Variants in CDH22 observed in about 807,000 individuals in gnomAD.
The protein encoded by CDH22 is cadherin 22.
In CDH22, 30 loss-of-function variants were observed where a neutral mutation model predicts 58.4. The observed-to-expected ratio is 0.51, with a 90% confidence interval of 0.38 to 0.70. The LOEUF (loss-of-function observed/expected upper bound fraction) is 0.70. Ranked by LOEUF, CDH22 falls within the 30% of genes least tolerant of loss-of-function variation. The pLI, the probability that CDH22 is intolerant of heterozygous loss-of-function variation, is 0.00. For missense variants in CDH22, 1,014 were observed against 1,233.9 expected (o/e 0.82, Z 2.67); for synonymous variants, 513 against 558.2 (o/e 0.92, Z 1.14).
At chr20:46,269,960 G>A (rs1330908097) in intron 1 of CDH22, among the ~76,000 whole-genome samples, 1 of 152,160 alleles carries the variant, frequency 6.6e-6, no homozygotes, top group African/African-American at 2.4e-5. Context: ...GTATGTAGTA[G>A]GTGCTCAAAA....
At chr20:46,198,287 GAC>G (rs368091518) in intron 8 of CDH22, among the ~76,000 whole-genome samples, 15,626 of 128,452 alleles carry the variant, frequency 0.12, 906 homozygotes, top group African/African-American at 0.19. Flanking sequence ...GCACCAAAAA[GAC>G]ACACACACAC....
At chr20:46,297,211 G>A (rs1013981221) in intron 1 of CDH22, among the ~76,000 whole-genome samples, 5 of 152,098 alleles carry the variant, frequency 3.3e-5, no homozygotes, top group African/African-American at 1.2e-4. Context: ...GGCAGGGGCT[G>A]AGTGAGGAGG....
Position 46,198,415 on chromosome 20 carries a change from C to G in CDH22, c.1423+1008G>C, listed in dbSNP as rs143332072. Among the ~76,000 whole-genome samples, 590 of 152,166 alleles carry G rather than the reference C, an allele frequency of 3.9e-3. 7 individuals carry two copies. Among genetic ancestry groups the G allele is most frequent in the African/African-American group, 0.014 (572 of 41,508 alleles). ...TCTCCCCGGGACATCAGCCCATGAG[C>G]AGATTCCACTGGCTCTATCTTCAGC... On this transcript the variant is annotated intron_variant, in intron 8 of 11. Transcript: ENST00000537909.
Position 46,292,266 on chromosome 20 carries a change from C to T in CDH22, c.-400+15989G>A, listed in dbSNP as rs118036170. ...TATGGCAGGAGCTGGCTGCCTGTCC[C>T]AATAAATGCAAAGGTCCCATGAGCA... On this transcript the variant is annotated intron_variant, in intron 1 of 11. Coordinates refer to ENST00000537909, the MANE Select transcript of CDH22 (RefSeq NM_021248.3). Among the ~76,000 whole-genome samples, 36 of 152,296 alleles carry T rather than the reference C, an allele frequency of 2.4e-4. No homozygotes were observed. The East Asian group carries it at 5.6e-3, about 24-fold the overall frequency.
At chr20:46,194,058 G>T (rs931187032) in intron 8 of CDH22, among the ~76,000 whole-genome samples, 1 of 152,194 alleles carries the variant, frequency 6.6e-6, no homozygotes, top group Non-Finnish European at 1.5e-5. Flanking sequence ...CCTCCTCTGG[G>T]AAGGGTTTTC....
chr20:46,198,397 G>A (rs112541338), intron 8 of CDH22, among the ~76,000 whole-genome samples: 145 of 150,592 alleles, frequency 9.6e-4, no homozygotes, highest in African/African-American at 3.2e-3. Flanking sequence ...ATCTCTCCCC[G>A]GGACATCAGC....
chr20:46,268,520 C>A lies in CDH22; in HGVS notation c.-399-16827G>T, dbSNP rs117791941. On this transcript the variant is annotated intron_variant, in intron 1 of 11. Coordinates refer to ENST00000537909, the MANE Select transcript of CDH22 (RefSeq NM_021248.3). The stretch of plus-strand genomic sequence containing the variant: ...TCCACTTAGCTGCCCCCATTCCCAC[C>A]CCACACACGGGTTCCCTCCCTCCCA... Among the ~76,000 whole-genome samples, 1,111 of 152,358 alleles carry A rather than the reference C, an allele frequency of 7.3e-3. 18 individuals are homozygous for A. Among genetic ancestry groups the A allele is most frequent in the Admixed American group, 0.024 (370 of 15,304 alleles).
At chr20:46,262,174 A>G (rs948747662) in intron 1 of CDH22, among the ~76,000 whole-genome samples, 1 of 149,574 alleles carries the variant, frequency 6.7e-6, no homozygotes, top group African/African-American at 2.5e-5. Context: ...TAGTGTTGGG[A>G]CAGAGGGTGT....
chr20:46,215,008 C>A (rs1419892556), intron 5 of CDH22, among the ~76,000 whole-genome samples: 1 of 152,170 alleles, frequency 6.6e-6, no homozygotes, highest in Non-Finnish European at 1.5e-5. Flanking sequence ...TAGACACTCA[C>A]CAGATTAACA....
intron 3 of CDH22, among the ~76,000 whole-genome samples, chr20:46,237,752 C>T (rs73117024): frequency 2.4e-3 from 362 of 152,238 alleles, no homozygotes; most frequent in Admixed American, 6.0e-3. Flanking sequence ...TGGGGGCTGC[C>T]TCTGCCTCCT....
At chr20:46,261,023 G>T (rs1430527241) in intron 1 of CDH22, among the ~76,000 whole-genome samples, 1 of 152,120 alleles carries the variant, frequency 6.6e-6, no homozygotes, top group Non-Finnish European at 1.5e-5. Flanking sequence ...ACATTCAGGG[G>T]ACCTAAGACC....
intron 7 of CDH22, among the ~76,000 whole-genome samples, chr20:46,204,165 C>T (rs566418550): frequency 2.0e-5 from 3 of 151,962 alleles, no homozygotes; most frequent in Non-Finnish European, 1.5e-5. Context: ...GAGGCTGAGG[C>T]GGGAGGATCA....
chr20:46,291,233 C>T (rs531722948), intron 1 of CDH22, among the ~76,000 whole-genome samples: 3 of 152,186 alleles, frequency 2.0e-5, no homozygotes, highest in Non-Finnish European at 4.4e-5. Context: ...GCAGAGATCG[C>T]GCCACTGCAC....
chr20:46,227,427 A>G, intron 4 of CDH22, 81 bp downstream of exon 4: 2 of 1,314,750 alleles, frequency 1.5e-6, no homozygotes, highest in South Asian at 2.6e-5. Context: ...GGCTCAGAGC[A>G]GACGTCTGGG....
chr20:46,272,883 T>G (rs978198351), intron 1 of CDH22, among the ~76,000 whole-genome samples: 7 of 152,266 alleles, frequency 4.6e-5, no homozygotes, highest in African/African-American at 1.7e-4. Context: ...TACTTGAATT[T>G]TATTTTAAGG....
intron 1 of CDH22, among the ~76,000 whole-genome samples, chr20:46,299,863 C>T (rs940083203): frequency 6.6e-6 from 1 of 152,194 alleles, no homozygotes; most frequent in Non-Finnish European, 1.5e-5. Context: ...GTTCTCTCAA[C>T]AGCACACAGT....
chr20:46,248,673 A>G (rs2086348828), intron 2 of CDH22, among the ~76,000 whole-genome samples: 7 of 152,100 alleles, frequency 4.6e-5, no homozygotes, highest in Admixed American at 4.6e-4. Flanking sequence ...AAATACAAAA[A>G]TTAGCTGGGC....
chr20:46,237,834 C>T (rs1260801334), intron 3 of CDH22, among the ~76,000 whole-genome samples: 1 of 152,186 alleles, frequency 6.6e-6, no homozygotes, highest in African/African-American at 2.4e-5. Context: ...GAAACAAGGA[C>T]CCTTGCCATT....
chr20:46,210,075 G>C lies in CDH22; in HGVS notation c.1286+232C>G, dbSNP rs1600698015. On this transcript the variant is annotated intron_variant, in intron 7 of 11. Transcript: ENST00000537909. This position sits in a 1 kb window ranked among gnomAD's most constrained non-coding sequence, Gnocchi z 4.5. ...TCCCTCCTGGTTCTCTCCCTTATTG[G>C]CCTGGCTCGCCTGCCTGTCTCATTG... The C allele has an allele frequency of 4.6e-6, 2 of 433,378 alleles. No individual in the cohort carries two copies. Among genetic ancestry groups the C allele is most frequent in the East Asian group, 7.4e-5 (2 of 26,862 alleles). 26.8% of individuals were successfully genotyped at this position (433,378 alleles called of 1,614,324 possible).
Sources: gnomAD v4.1 joint callset for allele counts (sites outside exome capture counted in the v4.1 genomes callset) on GRCh38, gnomAD v4.1.1 for gene constraint, Gnocchi (gnomAD v3.1) non-coding constraint, MANE v1.5 for transcripts, NCBI Gene and HGNC (gene_info 2026-07-23, HGNC 2026-07-21) for gene names.